Variants in CUEDC1 observed in about 807,000 individuals in gnomAD.
The protein encoded by CUEDC1 is CUE domain containing 1, also known as CUE domain-containing protein 1.
Under a neutral mutation model 43.7 loss-of-function variants are expected in CUEDC1, and 30 were observed. The observed-to-expected ratio is 0.69, with a 90% CI of 0.51 to 0.93. The LOEUF is 0.93. CUEDC1 is among the 40% of genes least tolerant of loss of function. The pLI, the probability that CUEDC1 is intolerant of heterozygous loss-of-function variation, is 0.00. For synonymous variants in CUEDC1, 223 were observed against 223.6 expected, an observed-to-expected ratio of 1.00 and a Z score of 0.02; for missense variants, 486 against 549.0, an observed-to-expected ratio of 0.89 and a Z score of 1.15.
chr17:57,932,281 C>CAAAAAAAAAAAAAAAAAAAAAA (rs56137797), intron 1 of CUEDC1, among the ~76,000 whole-genome samples: 12 of 121,958 alleles, frequency 9.8e-5, no homozygotes, highest in Non-Finnish European at 1.3e-4. Context: ...CACTGTGTCT[C>CAAAAAAAAAAAAAAAAAAAAAA]AAAAAAAAAA....
At chr17:57,900,383 G>A (rs1394858910) in intron 1 of CUEDC1, among the ~76,000 whole-genome samples, 2 of 152,194 alleles carry the variant, frequency 1.3e-5, no homozygotes, top group Admixed American at 6.5e-5. Flanking sequence ...ACAGCCTGCT[G>A]CATCCTAGTC....
At chr17:57,934,825 A>G (rs1293746800) in intron 1 of CUEDC1, among the ~76,000 whole-genome samples, 2 of 152,122 alleles carry the variant, frequency 1.3e-5, no homozygotes, top group Non-Finnish European at 2.9e-5. Flanking sequence ...CTCATGCCTC[A>G]GCCTCCCGAG....
intron 1 of CUEDC1, among the ~76,000 whole-genome samples, chr17:57,911,901 G>A (rs1598004224): frequency 6.6e-6 from 1 of 152,308 alleles, no homozygotes; most frequent in Middle Eastern, 3.4e-3. Context: ...AACTGAATCT[G>A]TTTCATTCTC....
At chr17:57,875,872 C>T (rs1361842627) in intron 3 of CUEDC1, among the ~76,000 whole-genome samples, 1 of 152,160 alleles carries the variant, frequency 6.6e-6, no homozygotes, top group Non-Finnish European at 1.5e-5. Context: ...TTGGTAAGAA[C>T]TGGACATTGA....
chr17:57,955,261 C>T lies in CUEDC1; in HGVS notation c.-352G>A, dbSNP rs2075046433. 6.9e-6 allele frequency: 1 copy of T among 145,452 alleles called. No individual in the cohort carries two copies. Among genetic ancestry groups the T allele is most frequent in the Non-Finnish European group, 1.5e-5 (1 of 65,156 alleles). The allele number at this position is 145,452 out of a possible 1,614,324, so 9.0% of individuals were successfully genotyped here. On this transcript the variant is annotated 5_prime_UTR_variant, in exon 1 of 11. Coordinates refer to ENST00000577830, the MANE Select transcript of CUEDC1 (RefSeq NM_001271875.2). This position sits in a 1 kb window ranked among gnomAD's most constrained non-coding sequence, Gnocchi z 5.3. ...ACGCGCGTCCGCTCCGCGCGGGCCG[C>T]AGGGGCCGGGCCGCGGGCCGGGCGG...
intron 1 of CUEDC1, among the ~76,000 whole-genome samples, chr17:57,940,173 T>C (rs1387958905): frequency 6.6e-6 from 1 of 151,734 alleles, no homozygotes; most frequent in East Asian, 1.9e-4. Context: ...AACCCTGCCA[T>C]GTGACTCTTC....
At chr17:57,881,777 C>G (rs1310972282) in intron 2 of CUEDC1, among the ~76,000 whole-genome samples, 1 of 152,186 alleles carries the variant, frequency 6.6e-6, no homozygotes, top group Non-Finnish European at 1.5e-5. Context: ...CCAGCCACAC[C>G]AGGAGGCCCC....
At chr17:57,883,863 A>C (rs1440394874) in intron 2 of CUEDC1, among the ~76,000 whole-genome samples, 3 of 152,220 alleles carry the variant, frequency 2.0e-5, no homozygotes, top group Non-Finnish European at 4.4e-5. Flanking sequence ...TGCATGTCCC[A>C]GATGGCCCTG....
chr17:57,885,128 A>C, intron 2 of CUEDC1, 101 bp downstream of exon 2: 27 of 1,461,034 alleles, frequency 1.8e-5, no homozygotes, highest in African/African-American at 4.3e-5. Context: ...AGGTCCTCTT[A>C]GAGGTTCCAG....
chr17:57,868,001 C>A, intron 8 of CUEDC1, 149 bp downstream of exon 8: 1 of 677,958 alleles, frequency 1.5e-6, no homozygotes. Flanking sequence ...GGTGGCCAAG[C>A]TCATGGAGGA....
chr17:57,933,133 A>C (rs1282257235), intron 1 of CUEDC1, among the ~76,000 whole-genome samples: 1 of 152,156 alleles, frequency 6.6e-6, no homozygotes, highest in East Asian at 1.9e-4. Context: ...ACACCTGGGC[A>C]ATGTATAAAA....
chr17:57,954,818 C>A lies in CUEDC1; in HGVS notation c.-316+407G>T, dbSNP rs963848141. Among the ~76,000 whole-genome samples, 5 of 152,098 alleles carry A rather than the reference C, an allele frequency of 3.3e-5. No individual in the cohort carries two copies. Among genetic ancestry groups the A allele is most frequent in the Non-Finnish European group, 5.9e-5 (4 of 67,934 alleles). ...GCCCGGGCACTGCGGGGAGGGGCGC[C>A]CACACAAAAGGGGGAGCGGCGGGAG... On this transcript the variant is annotated intron_variant, in intron 1 of 10. Coordinates refer to ENST00000577830, the MANE Select transcript of CUEDC1 (RefSeq NM_001271875.2). The surrounding 1 kb of genome is among the most constrained non-coding windows in gnomAD (Gnocchi z 4.3).
At position 57,907,116 on chromosome 17, in the gene CUEDC1, T is replaced by C. The variant is rs370595092; in HGVS notation, c.-315-21237A>G. ...GGGCTCTGTCCCCATCTGCATGGAG[T>C]GGGCTGGGAGACAATGACACCCCTG... On this transcript the variant is annotated intron_variant, in intron 1 of 10. Transcript: ENST00000577830. 5.0e-4 allele frequency among the ~76,000 whole-genome samples: 75 copies of C among 151,500 alleles called. 1 individual carries two copies. In the East Asian group the frequency reaches 8.2e-3, roughly 17 times the overall value.
rs544663959 is a variant in CUEDC1, at chr17:57,899,255, A to AC, written c.-315-13377dup. On this transcript the variant is annotated intron_variant, in intron 1 of 10. Coordinates refer to ENST00000577830, the MANE Select transcript of CUEDC1 (RefSeq NM_001271875.2). ...AGCCACTCACTGCTGGGCCAGCTGC[A>AC]CCCCCCCAACCACAGACTGCTCCCT... 1.1e-4 allele frequency among the ~76,000 whole-genome samples: 16 copies of AC among 151,824 alleles called. No homozygotes were observed. The East Asian group carries it at 2.5e-3, about 24-fold the overall frequency.
In CUEDC1 at chr17:57,866,456, T is replaced by C; in HGVS notation, c.*3+18A>G. The C allele has an allele frequency of 6.2e-7, 1 of 1,613,414 alleles. No individual in the cohort carries two copies. Among genetic ancestry groups the C allele is most frequent in the South Asian group, 1.1e-5 (1 of 91,054 alleles). ...TGGCCTTGGGCAGTCCCTGGGTTGCTATGGCTCCAGGCCTTACCTCTTACT... is the reference window on the plus strand; with the variant it reads ...TGGCCTTGGGCAGTCCCTGGGTTGCCATGGCTCCAGGCCTTACCTCTTACT... On this transcript the variant is annotated intron_variant, in intron 10 of 10. Transcript: ENST00000577830.
At chr17:57,874,602 G>A (rs1203309558) in intron 3 of CUEDC1, among the ~76,000 whole-genome samples, 1 of 152,186 alleles carries the variant, frequency 6.6e-6, no homozygotes, top group Non-Finnish European at 1.5e-5. Context: ...AGCCCGGCCA[G>A]GAGGTCCCCA....
At chr17:57,922,171 T>A (rs1224190093) in intron 1 of CUEDC1, among the ~76,000 whole-genome samples, 2 of 152,160 alleles carry the variant, frequency 1.3e-5, no homozygotes, top group Non-Finnish European at 2.9e-5. Flanking sequence ...CCCTGGCTCA[T>A]CTGGAGGGTG....
intron 1 of CUEDC1, among the ~76,000 whole-genome samples, chr17:57,887,072 C>T (rs1050013415): frequency 2.0e-5 from 3 of 152,078 alleles, no homozygotes; most frequent in South Asian, 2.1e-4. Flanking sequence ...CTGCCCGCCT[C>T]GGCCTCCCAA....
chr17:57,873,582 C>T lies in CUEDC1; in HGVS notation c.591+9G>A, dbSNP rs2074066435. On this transcript the variant is annotated intron_variant, in intron 4 of 10. Coordinates refer to ENST00000577830, the MANE Select transcript of CUEDC1 (RefSeq NM_001271875.2). ...GGTGGGAGTGGAAGGCGGGGGCGGC[C>T]CCTGTTACCTGTATGCTGTCCAGCT... 1 of 1,543,962 alleles carries T rather than the reference C, an allele frequency of 6.5e-7. No individual in the cohort carries two copies. Among genetic ancestry groups the T allele is most frequent in the Admixed American group, 2.0e-5 (1 of 49,912 alleles).
Sources: gnomAD v4.1 joint callset for allele counts (sites outside exome capture counted in the v4.1 genomes callset) on GRCh38, gnomAD v4.1.1 for gene constraint, Gnocchi (gnomAD v3.1) non-coding constraint, MANE v1.5 for transcripts, NCBI Gene and HGNC (gene_info 2026-07-23, HGNC 2026-07-21) for gene names.